The following FKBP9 variants were observed in gnomAD, a reference collection of about 807,000 sequenced individuals.
FKBP9 encodes FKBP prolyl isomerase 9.
FKBP9 carries 27 observed loss-of-function variants against 55.6 expected under a neutral mutation model. The observed-to-expected ratio is 0.49, with a 90% CI of 0.36 to 0.67. The LOEUF (loss-of-function observed/expected upper bound fraction) is 0.67. Among genes scored for constraint, FKBP9 ranks in the 30% least tolerant of loss-of-function variants. FKBP9 has a pLI of 0.00. For missense variants in FKBP9, 539 were observed against 742.8 expected, an observed-to-expected ratio of 0.73 and a Z score of 3.19; for synonymous variants, 267 against 296.5, an observed-to-expected ratio of 0.90 and a Z score of 1.02.
chr7:32,977,804 T>TAC (rs1562567243), intron 4 of FKBP9, among the ~76,000 whole-genome samples: 12 of 133,168 alleles, frequency 9.0e-5, no homozygotes, highest in African/African-American at 3.6e-4. Flanking sequence ...TATATATACT[T>TAC]ATATATATAT....
At chr7:32,965,812 A>AATATATATATATATATATAT (rs57598279) in intron 1 of FKBP9, among the ~76,000 whole-genome samples, 1 of 34,936 alleles carries the variant, frequency 2.9e-5, no homozygotes, top group African/African-American at 1.2e-4. Context: ...AAAAAAAAAA[A>AATATATATATATATATATAT]ATATATATAT....
Position 32,957,564 on chromosome 7 carries a change from C to G in FKBP9, c.-10C>G. 1 of 1,450,284 alleles carries G rather than the reference C, an allele frequency of 6.9e-7. No individual in the cohort carries two copies. The highest frequency in any genetic ancestry group is 9.0e-7 in the Non-Finnish European group (1 of 1,110,368). 89.8% of individuals were successfully genotyped at this position (1,450,284 alleles called of 1,614,324 possible). On this transcript the variant is annotated 5_prime_UTR_variant, in exon 1 of 10. Coordinates refer to ENST00000242209, the MANE Select transcript of FKBP9 (RefSeq NM_007270.5). ...CGCGCTGCGTCCGCGCCACTCTTCT[C>G]GCCGCCCCGATGGCGTTCCGGGGCT...
chr7:32,983,022 G>C (rs974233425), intron 5 of FKBP9, among the ~76,000 whole-genome samples: 6 of 145,136 alleles, frequency 4.1e-5, no homozygotes, highest in Admixed American at 1.4e-4. Context: ...GTGTGTGTGT[G>C]TCTATGTGTG....
chr7:32,997,064 G>A lies in FKBP9; in HGVS notation c.1226+715G>A, dbSNP rs898562802. On this transcript the variant is annotated intron_variant, in intron 7 of 9. Transcript: ENST00000242209. The stretch of plus-strand genomic sequence containing the variant: ...CCGCCTCGGCCTCCCAAAGTGCTGG[G>A]ATTACAGGCGTGAGCCTCCGCGCCC... 9.9e-5 allele frequency among the ~76,000 whole-genome samples: 15 copies of A among 151,712 alleles called. No individual in the cohort carries two copies. The East Asian group carries it at 2.8e-3, about 28-fold the overall frequency.
At chr7:32,972,146 C>T (rs1225214901) in intron 1 of FKBP9, among the ~76,000 whole-genome samples, 6 of 151,926 alleles carry the variant, frequency 3.9e-5, no homozygotes, top group South Asian at 2.1e-4. Flanking sequence ...AGTGGCAGGG[C>T]GAGTCCCCAG....
At chr7:32,965,828 T>TGTGTACACAC (rs1315146671) in intron 1 of FKBP9, among the ~76,000 whole-genome samples, 1 of 35,052 alleles carries the variant, frequency 2.9e-5, no homozygotes, top group African/African-American at 1.1e-4. Context: ...TATATATATA[T>TGTGTACACAC]ATATATATAT....
chr7:32,994,043 A>T (rs922962331), intron 6 of FKBP9, among the ~76,000 whole-genome samples: 4 of 152,200 alleles, frequency 2.6e-5, no homozygotes, highest in African/African-American at 7.2e-5. Context: ...TTGTATATAT[A>T]CCCAAGAAAG....
At chr7:33,005,066 C>G in intron 9 of FKBP9, 109 bp from the exon 10 acceptor site, 1 of 1,478,308 alleles carries the variant, frequency 6.8e-7, no homozygotes, top group Non-Finnish European at 9.0e-7. Flanking sequence ...TGTTGGTAGC[C>G]CAGACTCAAG....
Position 32,988,665 on chromosome 7 carries a change from A to C in FKBP9, c.1039+13A>C, listed in dbSNP as rs756924304. The C allele has an allele frequency of 6.8e-6, 11 of 1,613,008 alleles. No homozygotes were observed. The highest frequency in any genetic ancestry group is 2.2e-5 in the East Asian group (1 of 44,886). On this transcript the variant is annotated intron_variant, in intron 6 of 9. Transcript: ENST00000242209. ...GAGGAAGGAAGAGGTGAGCATCAGCATCACCTGCCTTCCTCACTAGCTGTG... is the reference window on the plus strand; with the variant it reads ...GAGGAAGGAAGAGGTGAGCATCAGCCTCACCTGCCTTCCTCACTAGCTGTG...
intron 4 of FKBP9, among the ~76,000 whole-genome samples, chr7:32,978,245 G>A (rs1029680237): frequency 1.3e-5 from 2 of 150,826 alleles, no homozygotes; most frequent in Non-Finnish European, 3.0e-5. Flanking sequence ...TTTACATGCT[G>A]GGGATCTGCA....
intron 6 of FKBP9, chr7:32,988,892 C>A (rs1219003922): frequency 1.2e-5 from 4 of 346,928 alleles, no homozygotes; most frequent in East Asian, 4.5e-5. Context: ...CCACACCCTG[C>A]ACAGAACTTC....
rs1183667695 is a variant in FKBP9, at chr7:32,996,852, T to G, written c.1226+503T>G. Among the ~76,000 whole-genome samples, 631 of 133,550 alleles carry G rather than the reference T, an allele frequency of 4.7e-3. 8 individuals are homozygous for G. The highest frequency in any genetic ancestry group is 0.018 in the African/African-American group (607 of 33,858). The allele number at this position is 133,550 out of a possible 152,430, so 87.6% of individuals were successfully genotyped here. A position where few individuals can be genotyped will look rare whatever the true frequency, so the allele number is the denominator to read the frequency against. ...GCCCAGGCCGGACTGCGGACTGCAG[T>G]GGCGCAATCTTGGCTCACTGCAAGC... On this transcript the variant is annotated intron_variant, in intron 7 of 9. Transcript: ENST00000242209.
At chr7:32,978,030 T>C (rs1310381517) in intron 4 of FKBP9, among the ~76,000 whole-genome samples, 2 of 151,324 alleles carry the variant, frequency 1.3e-5, no homozygotes, top group Admixed American at 6.6e-5. Flanking sequence ...CAAGAGATTC[T>C]CCTGCCTCAG....
At chr7:32,972,909 A>T (rs1411079214) in intron 1 of FKBP9, among the ~76,000 whole-genome samples, 2 of 152,200 alleles carry the variant, frequency 1.3e-5, no homozygotes, top group South Asian at 4.2e-4. Flanking sequence ...TTTAGTAGAG[A>T]TGGGGTTTCA....
Position 32,957,456 on chromosome 7 carries a change from T to G in FKBP9, c.-118T>G, listed in dbSNP as rs1583833129. On this transcript the variant is annotated 5_prime_UTR_variant, in exon 1 of 10. Coordinates refer to ENST00000242209, the MANE Select transcript of FKBP9 (RefSeq NM_007270.5). ...GCGGCCGGGGAGACGGGGTGGCGGC[T>G]GCAGCCCGGGTAGGGCCAGGAGACC... The G allele has an allele frequency of 1.1e-5, 8 of 731,540 alleles. No homozygotes were observed. The highest frequency in any genetic ancestry group is 9.3e-5 in the African/African-American group (5 of 53,936). The allele number at this position is 731,540 out of a possible 1,614,324, so 45.3% of individuals were successfully genotyped here. A position where few individuals can be genotyped will look rare whatever the true frequency, so the allele number is the denominator to read the frequency against.
In FKBP9 at chr7:33,002,650, G is replaced by A. The variant is rs559478979; in HGVS notation, c.1373-26G>A. ...TGACTGCTGCCTGCCGGCTGACACC[G>A]CCTCCCGCTCCTGTCACCTGGACAG... On this transcript the variant is annotated intron_variant, in intron 8 of 9. Transcript: ENST00000242209. The A allele has an allele frequency of 2.5e-5, 40 of 1,608,482 alleles. 1 individual carries two copies. The South Asian group carries it at 3.3e-4, about 13-fold the overall frequency.
chr7:32,989,424 T>C (rs1280262981), intron 6 of FKBP9, among the ~76,000 whole-genome samples: 1 of 152,146 alleles, frequency 6.6e-6, no homozygotes, highest in Non-Finnish European at 1.5e-5. Context: ...TTTTTCTTTT[T>C]TCTTTTTTTG....
At chr7:32,984,422 A>T (rs1438126691) in intron 5 of FKBP9, among the ~76,000 whole-genome samples, 2 of 151,876 alleles carry the variant, frequency 1.3e-5, no homozygotes, top group South Asian at 4.2e-4. Flanking sequence ...TGCCCGACTC[A>T]TTTTTTTGTA....
chr7:32,992,296 C>G (rs1214590167), intron 6 of FKBP9, among the ~76,000 whole-genome samples: 3 of 148,620 alleles, frequency 2.0e-5, no homozygotes, highest in Non-Finnish European at 4.5e-5. Context: ...AAACCCACCC[C>G]CCTCAGAGGA....
Sources: allele counts gnomAD v4.1 joint callset (sites outside exome capture counted in the v4.1 genomes callset), GRCh38; gene constraint gnomAD v4.1.1; transcripts MANE v1.5; gene names NCBI Gene and HGNC (gene_info 2026-07-23, HGNC 2026-07-21).